Variants in DESI2 observed in about 807,000 individuals in gnomAD.
DESI2 encodes desumoylating isopeptidase 2.
In DESI2, 10 loss-of-function variants were observed where a neutral mutation model predicts 24.1. That is an observed-to-expected ratio of 0.41 (90% CI 0.26 to 0.70). The LOEUF (loss-of-function observed/expected upper bound fraction) is 0.70, where lower values mean the gene tolerates loss of function less well. Ranked by LOEUF, DESI2 falls within the 30% of genes least tolerant of loss-of-function variation. DESI2 has a pLI of 0.29. For synonymous variants in DESI2, 71 were observed against 87.7 expected, an observed-to-expected ratio of 0.81 and a Z score of 1.06; for missense variants, 122 against 234.9, an observed-to-expected ratio of 0.52 and a Z score of 3.14.
At chr1:244,681,744 A>C (rs796405381) in intron 1 of DESI2, among the ~76,000 whole-genome samples, 36 of 152,360 alleles carry the variant, frequency 2.4e-4, no homozygotes, top group African/African-American at 8.2e-4. Flanking sequence ...AAGGGTATAT[A>C]GACAGAATAC....
At chr1:244,674,877 G>C (rs1676364174) in intron 1 of DESI2, among the ~76,000 whole-genome samples, 1 of 152,136 alleles carries the variant, frequency 6.6e-6, no homozygotes, top group African/African-American at 2.4e-5. Context: ...CATATGCCTA[G>C]AAATAAAATT....
chr1:244,703,739 A>G (rs1176052542), intron 4 of DESI2, among the ~76,000 whole-genome samples: 1 of 151,364 alleles, frequency 6.6e-6, no homozygotes, highest in African/African-American at 2.4e-5. Flanking sequence ...GCTCACTGCA[A>G]GCTCCGCCTC....
chr1:244,679,818 G>T (rs1676541060), intron 1 of DESI2, among the ~76,000 whole-genome samples: 1 of 140,960 alleles, frequency 7.1e-6, no homozygotes, highest in Non-Finnish European at 1.5e-5. Flanking sequence ...AGTGAGCCCA[G>T]ATTGCGCCAC....
At chr1:244,688,350 T>C (rs921088367) in intron 2 of DESI2, among the ~76,000 whole-genome samples, 2 of 152,216 alleles carry the variant, frequency 1.3e-5, no homozygotes, top group Non-Finnish European at 2.9e-5. Context: ...TGTTTCAAAA[T>C]AGCCACTTTA....
intron 4 of DESI2, among the ~76,000 whole-genome samples, chr1:244,695,037 G>C (rs1220850477): frequency 2.6e-5 from 4 of 152,216 alleles, no homozygotes; most frequent in African/African-American, 7.2e-5. Context: ...TGTCTCAACT[G>C]TGAGTGTCAT....
At chr1:244,656,542 T>C (rs1675652907) in intron 1 of DESI2, 1 of 152,234 alleles carries the variant, frequency 6.6e-6, no homozygotes, top group Non-Finnish European at 1.5e-5. Flanking sequence ...GTCGTGGGAA[T>C]GAGCTTGTTC....
rs184040052 is a variant in DESI2, at chr1:244,675,192, T to C, written c.43-11405T>C. ...TAAGAGTTCTTATATGTATTCTACA[T>C]ATAAGTCCCTTGTCGGTATATGACT... On this transcript the variant is annotated intron_variant, in intron 1 of 4. Coordinates refer to ENST00000302550, the MANE Select transcript of DESI2 (RefSeq NM_016076.5). Among the ~76,000 whole-genome samples the C allele has an allele frequency of 1.6e-4, 25 of 152,294 alleles. No homozygotes were observed. In the East Asian group the frequency reaches 4.8e-3, roughly 29 times the overall value.
chr1:244,701,379 G>A (rs896923633), intron 4 of DESI2, among the ~76,000 whole-genome samples: 6 of 152,080 alleles, frequency 3.9e-5, no homozygotes, highest in East Asian at 1.9e-4. Flanking sequence ...CATGACATAC[G>A]CAAGAGATCC....
Position 244,708,591 on chromosome 1 carries a change from G to A in DESI2, c.*2802G>A, listed in dbSNP as rs904819213. The A allele has an allele frequency of 2.0e-5, 3 of 152,600 alleles. No individual in the cohort carries two copies. The highest frequency in any genetic ancestry group is 1.9e-4 in the East Asian group (1 of 5,200). 9.5% of individuals were successfully genotyped at this position (152,600 alleles called of 1,614,324 possible). ...CCATGGCTTCTTTCCATCACAAAAC[G>A]GGTAGAAACACATTCACTGCTTCAG... is the stretch of plus-strand genomic sequence containing the variant. On this transcript the variant is annotated 3_prime_UTR_variant, in exon 5 of 5. Coordinates refer to ENST00000302550, the MANE Select transcript of DESI2 (RefSeq NM_016076.5).
intron 1 of DESI2, chr1:244,653,641 C>G (rs1675541473): frequency 2.0e-6 from 1 of 512,772 alleles, no homozygotes; most frequent in African/African-American, 2.0e-5. Context: ...GGGCCCGACC[C>G]CTTGGCCGAC....
chr1:244,681,647 T>G (rs920784336), intron 1 of DESI2, among the ~76,000 whole-genome samples: 3 of 152,234 alleles, frequency 2.0e-5, no homozygotes, highest in African/African-American at 7.2e-5. Context: ...ACAAATAGTT[T>G]TGGAATTACA....
rs941431720 is a variant in DESI2 at position 244,663,338 on chromosome 1, G to A, written c.42+9983G>A. Among the ~76,000 whole-genome samples, 5 of 151,996 alleles carry A rather than the reference G, an allele frequency of 3.3e-5. No homozygotes were observed. In the South Asian group the frequency reaches 6.2e-4, roughly 19 times the overall value. On this transcript the variant is annotated intron_variant, in intron 1 of 4. Coordinates refer to ENST00000302550, the MANE Select transcript of DESI2 (RefSeq NM_016076.5). ...ACTACAGGCGCCTGCCACCACGCCC[G>A]GCTAATTTTTTGTATTTTTAGTAGA...
intron 1 of DESI2, among the ~76,000 whole-genome samples, chr1:244,663,290 C>T (rs570434891): frequency 6.6e-6 from 1 of 152,138 alleles, no homozygotes; most frequent in East Asian, 1.9e-4. Context: ...CATTCTTCTG[C>T]CTCAGTCTTC....
chr1:244,707,602 G>A lies in DESI2; in HGVS notation c.*1813G>A, dbSNP rs1259319863. ...AAAAGAGAGAGTCCTGTCCCCAGAC[G>A]GTTAGTACAAAGCCTTGGATACAGT... On this transcript the variant is annotated 3_prime_UTR_variant, in exon 5 of 5. Coordinates refer to ENST00000302550, the MANE Select transcript of DESI2 (RefSeq NM_016076.5). The A allele has an allele frequency of 6.6e-6, 1 of 152,314 alleles. No individual in the cohort carries two copies. The highest frequency in any genetic ancestry group is 6.5e-5 in the Admixed American group (1 of 15,276). The allele number at this position is 152,314 out of a possible 1,614,324, so 9.4% of individuals were successfully genotyped here.
intron 4 of DESI2, among the ~76,000 whole-genome samples, chr1:244,693,695 T>C (rs1677109082): frequency 6.6e-6 from 1 of 152,210 alleles, no homozygotes; most frequent in South Asian, 2.1e-4. Context: ...CCTCCCAAAG[T>C]GCTGGGATTA....
At chr1:244,663,694 A>T (rs1479016967) in intron 1 of DESI2, among the ~76,000 whole-genome samples, 1 of 152,108 alleles carries the variant, frequency 6.6e-6, no homozygotes, top group Non-Finnish European at 1.5e-5. Context: ...CATAGACAAT[A>T]TGTAGATACC....
intron 1 of DESI2, among the ~76,000 whole-genome samples, chr1:244,683,347 T>C (rs1573208472): frequency 6.6e-6 from 1 of 152,174 alleles, no homozygotes; most frequent in Non-Finnish European, 1.5e-5. Flanking sequence ...AGTCTCGCTC[T>C]GTCGCCCAGG....
At chr1:244,696,088 T>C (rs1677204853) in intron 4 of DESI2, among the ~76,000 whole-genome samples, 1 of 152,202 alleles carries the variant, frequency 6.6e-6, no homozygotes, top group Non-Finnish European at 1.5e-5. Context: ...ATTATAAATA[T>C]TTCACTCTGT....
chr1:244,693,941 A>AG (rs565951203), intron 4 of DESI2, among the ~76,000 whole-genome samples: 15 of 152,252 alleles, frequency 9.9e-5, no homozygotes, highest in Non-Finnish European at 2.1e-4. Context: ...TTGAAATGAT[A>AG]GATGCAACTC....
Sources: allele counts gnomAD v4.1 joint callset (sites outside exome capture counted in the v4.1 genomes callset), GRCh38; gene constraint gnomAD v4.1.1; transcripts MANE v1.5; gene names NCBI Gene and HGNC (gene_info 2026-07-23, HGNC 2026-07-21).